Variants in GRIN3A observed in about 807,000 individuals in gnomAD.
GRIN3A encodes the protein glutamate receptor ionotropic, NMDA 3A.
In GRIN3A, 47 loss-of-function variants were observed where a neutral mutation model predicts 92.4. That is an observed-to-expected ratio of 0.51 (90% CI 0.40 to 0.65). The LOEUF (loss-of-function observed/expected upper bound fraction) is 0.65, where lower values mean the gene tolerates loss of function less well. Ranked by LOEUF, GRIN3A falls within the 30% of genes least tolerant of loss-of-function variation. GRIN3A has a pLI of 0.00. For synonymous variants in GRIN3A, 527 were observed against 540.6 expected, an observed-to-expected ratio of 0.97 and a Z score of 0.35; for missense variants, 1,324 against 1,393.1, an observed-to-expected ratio of 0.95 and a Z score of 0.79.
chr9:101,666,231 C>G (rs1204539891), intron 3 of GRIN3A, among the ~76,000 whole-genome samples: 1 of 151,990 alleles, frequency 6.6e-6, no homozygotes, highest in Non-Finnish European at 1.5e-5. Flanking sequence ...ACAGTATGGC[C>G]TCCCTCTGCC....
In GRIN3A at chr9:101,569,721, G is replaced by T. The variant is rs1188626383; in HGVS notation, c.*3453C>A. 6.6e-6 allele frequency: 1 copy of T among 152,168 alleles called. No homozygotes were observed. The highest frequency in any genetic ancestry group is 1.5e-5 in the Non-Finnish European group (1 of 68,026). 9.4% of individuals were successfully genotyped at this position (152,168 alleles called of 1,614,324 possible). ...GATAGTAAAGTAGTATTAATGCCTA[G>T]AAAGCAATTTCTGAAGAACTGGATG... On this transcript the variant is annotated 3_prime_UTR_variant, in exon 9 of 9. Coordinates refer to ENST00000361820, the MANE Select transcript of GRIN3A (RefSeq NM_133445.3).
intron 3 of GRIN3A, among the ~76,000 whole-genome samples, chr9:101,636,941 A>G (rs190049446): frequency 2.0e-5 from 3 of 152,266 alleles, no homozygotes; most frequent in African/African-American, 7.2e-5. Flanking sequence ...AGCTAAATAT[A>G]TCGGCTACAT....
chr9:101,643,023 G>T (rs950356057), intron 3 of GRIN3A, among the ~76,000 whole-genome samples: 2 of 152,074 alleles, frequency 1.3e-5, no homozygotes, highest in African/African-American at 4.8e-5. Flanking sequence ...GAAATAAAGT[G>T]CACAATAAAT....
intron 3 of GRIN3A, among the ~76,000 whole-genome samples, chr9:101,654,537 TC>T (rs1829058829): frequency 6.6e-6 from 1 of 151,730 alleles, no homozygotes; most frequent in Non-Finnish European, 1.5e-5. Context: ...TCCCACTTTT[TC>T]CTCTCATATA....
intron 6 of GRIN3A, among the ~76,000 whole-genome samples, chr9:101,610,619 A>ATCTATCTATCTATCTATCTG (rs35988009): frequency 8.0e-5 from 12 of 150,622 alleles, no homozygotes; most frequent in East Asian, 3.9e-4. Flanking sequence ...CTATCTATCT[A>ATCTATCTATCTATCTATCTG]TCTATCATCT....
intron 6 of GRIN3A, among the ~76,000 whole-genome samples, chr9:101,608,153 G>A (rs958691044): frequency 6.6e-6 from 1 of 151,864 alleles, no homozygotes; most frequent in African/African-American, 2.4e-5. Flanking sequence ...GAAGAGCTCT[G>A]TGTGTGTGTG....
chr9:101,734,752 G>T (rs979054612), intron 1 of GRIN3A, among the ~76,000 whole-genome samples: 5 of 151,814 alleles, frequency 3.3e-5, no homozygotes, highest in Non-Finnish European at 5.9e-5. Flanking sequence ...AGCTGTTGCT[G>T]CTCTTGCTAT....
At chr9:101,605,629 A>G (rs1828270765) in intron 6 of GRIN3A, among the ~76,000 whole-genome samples, 1 of 152,200 alleles carries the variant, frequency 6.6e-6, no homozygotes, top group Admixed American at 6.5e-5. Context: ...TGAAGGTCAG[A>G]TGGAGGCTGG....
At chr9:101,669,656 T>G (rs1404785608) in intron 3 of GRIN3A, among the ~76,000 whole-genome samples, 1 of 152,158 alleles carries the variant, frequency 6.6e-6, no homozygotes, top group Admixed American at 6.6e-5. Flanking sequence ...ATTTAAAATA[T>G]GGATCTTCCA....
intron 5 of GRIN3A, among the ~76,000 whole-genome samples, chr9:101,616,892 A>T (rs1246375906): frequency 2.5e-4 from 36 of 146,122 alleles, no homozygotes; most frequent in African/African-American, 7.9e-4. Flanking sequence ...AAAGTATAAA[A>T]AAAAAAAAAA....
chr9:101,642,486 T>C (rs534841728), intron 3 of GRIN3A, among the ~76,000 whole-genome samples: 2 of 152,256 alleles, frequency 1.3e-5, no homozygotes, highest in African/African-American at 4.8e-5. Context: ...TGGGATTCCA[T>C]CAAACTAAAC....
At chr9:101,622,453 A>G (rs35698290) in intron 5 of GRIN3A, among the ~76,000 whole-genome samples, 8,062 of 152,290 alleles carry the variant, frequency 0.053, 306 homozygotes, top group East Asian at 0.17. Context: ...TATCAGCTCC[A>G]TATATCAACC....
Position 101,621,949 on chromosome 9 carries a change from G to A in GRIN3A, c.2614+1369C>T, listed in dbSNP as rs1828562229. 2.0e-5 allele frequency among the ~76,000 whole-genome samples: 3 copies of A among 152,306 alleles called. No individual in the cohort carries two copies. The South Asian group carries it at 6.2e-4, about 32-fold the overall frequency. The stretch of plus-strand genomic sequence containing the variant: ...ATTTTTCATTGTTACATTAAAATGG[G>A]ATTATATACTGAATGTTGTTTATTT... On this transcript the variant is annotated intron_variant, in intron 5 of 8. Transcript: ENST00000361820.
At chr9:101,733,975 A>C (rs911566052) in intron 1 of GRIN3A, among the ~76,000 whole-genome samples, 1 of 152,170 alleles carries the variant, frequency 6.6e-6, no homozygotes, top group African/African-American at 2.4e-5. Context: ...CTGAGACTAC[A>C]TGTAGGTGCC....
chr9:101,656,137 A>G (rs572953098), intron 3 of GRIN3A, among the ~76,000 whole-genome samples: 9 of 152,148 alleles, frequency 5.9e-5, no homozygotes, highest in African/African-American at 1.9e-4. Context: ...GAACAAGGGT[A>G]AAAGGCTTGC....
chr9:101,713,923 A>G (rs1376157941), intron 1 of GRIN3A, among the ~76,000 whole-genome samples: 2 of 152,150 alleles, frequency 1.3e-5, no homozygotes, highest in African/African-American at 2.4e-5. Flanking sequence ...CAAAACAAAA[A>G]TAAAAAGTAA....
chr9:101,590,450 C>T (rs1162100641), intron 6 of GRIN3A, among the ~76,000 whole-genome samples: 1 of 151,796 alleles, frequency 6.6e-6, no homozygotes, highest in Admixed American at 6.6e-5. Flanking sequence ...GGTGTGATCT[C>T]AGCTCACTGC....
chr9:101,621,901 C>G (rs1300658420), intron 5 of GRIN3A, among the ~76,000 whole-genome samples: 1 of 152,126 alleles, frequency 6.6e-6, no homozygotes, highest in African/African-American at 2.4e-5. Context: ...TGTAACATCC[C>G]CAGATGCCAC....
chr9:101,669,453 T>C (rs1255277561), intron 3 of GRIN3A, among the ~76,000 whole-genome samples: 1 of 152,110 alleles, frequency 6.6e-6, no homozygotes, highest in African/African-American at 2.4e-5. Flanking sequence ...GCTGGCACTC[T>C]CCCTTCTATG....
Sources: allele counts gnomAD v4.1 joint callset (sites outside exome capture counted in the v4.1 genomes callset), GRCh38; gene constraint gnomAD v4.1.1; transcripts MANE v1.5; gene names NCBI Gene and HGNC (gene_info 2026-07-23, HGNC 2026-07-21).